The following KCNQ3 variants were observed in gnomAD, a reference collection of about 807,000 sequenced individuals.
KCNQ3 encodes the protein potassium voltage-gated channel subfamily Q member 3.
A neutral mutation model predicts 92.5 loss-of-function variants in KCNQ3; 30 were observed. The observed-to-expected ratio is 0.32, with a 90% CI of 0.24 to 0.44. KCNQ3 has a LOEUF of 0.44. KCNQ3 is among the 20% of genes least tolerant of loss of function. KCNQ3 has a pLI of 1.00. For missense variants in KCNQ3, 913 were observed against 1,140.3 expected (o/e 0.80, Z 2.87); for synonymous variants, 450 against 468.8 (o/e 0.96, Z 0.52).
intron 1 of KCNQ3, among the ~76,000 whole-genome samples, chr8:132,393,275 C>T (rs1377043628): frequency 6.6e-6 from 1 of 152,208 alleles, no homozygotes; most frequent in Non-Finnish European, 1.5e-5. Context: ...GAAAACAGAG[C>T]ACAGCTTTGT....
intron 1 of KCNQ3, among the ~76,000 whole-genome samples, chr8:132,373,773 G>A (rs536643612): frequency 1.8e-4 from 28 of 152,220 alleles, no homozygotes; most frequent in African/African-American, 5.1e-4. Context: ...TCTGCCGAAC[G>A]ACTACAAGGA....
rs901158805 is a variant in KCNQ3 at position 132,172,142 on chromosome 8, G to A, written c.1140+456C>T. ...ATGGAGGCTGCAGTGAGCTATGATCGCACCCTACACTCCAGCCTGGACAAG... is the reference window on the plus strand; with the variant it reads ...ATGGAGGCTGCAGTGAGCTATGATCACACCCTACACTCCAGCCTGGACAAG... On this transcript the variant is annotated intron_variant, in intron 7 of 14. Coordinates refer to ENST00000388996, the MANE Select transcript of KCNQ3 (RefSeq NM_004519.4). Among the ~76,000 whole-genome samples, 133 of 151,794 alleles carry A rather than the reference G, an allele frequency of 8.8e-4. 1 individual carries two copies. The highest frequency in any genetic ancestry group is 3.4e-3 in the Middle Eastern group (1 of 294).
intron 1 of KCNQ3, among the ~76,000 whole-genome samples, chr8:132,420,208 C>A (rs958866052): frequency 6.6e-6 from 1 of 152,078 alleles, no homozygotes; most frequent in Non-Finnish European, 1.5e-5. Context: ...GAAGATTCTC[C>A]CCCATGACCT....
chr8:132,405,197 G>C (rs1820443903), intron 1 of KCNQ3, among the ~76,000 whole-genome samples: 1 of 152,240 alleles, frequency 6.6e-6, no homozygotes, highest in Admixed American at 6.5e-5. Context: ...AGAGAGGAGA[G>C]ATTGGCTCCT....
intron 1 of KCNQ3, among the ~76,000 whole-genome samples, chr8:132,316,096 AT>A (rs532439547): frequency 1.3e-5 from 2 of 151,190 alleles, no homozygotes; most frequent in Non-Finnish European, 3.0e-5. Flanking sequence ...TTCCTTGCTT[AT>A]TTTTTTTTCC....
At chr8:132,261,722 T>G (rs7835382) in intron 1 of KCNQ3, among the ~76,000 whole-genome samples, 1 of 152,008 alleles carries the variant, frequency 6.6e-6, no homozygotes, top group Non-Finnish European at 1.5e-5. Context: ...CTCCATGTTT[T>G]CAGCCTTCAC....
At chr8:132,267,916 T>G (rs1219604021) in intron 1 of KCNQ3, among the ~76,000 whole-genome samples, 1 of 152,238 alleles carries the variant, frequency 6.6e-6, no homozygotes, top group Non-Finnish European at 1.5e-5. Context: ...TTACAACTGA[T>G]GAACCTACAG....
intron 1 of KCNQ3, among the ~76,000 whole-genome samples, chr8:132,187,972 T>C (rs142565314): frequency 7.2e-6 from 1 of 138,474 alleles, no homozygotes; most frequent in African/African-American, 2.8e-5. Context: ...GGTAACAACA[T>C]CAGTAACTGT....
intron 1 of KCNQ3, among the ~76,000 whole-genome samples, chr8:132,317,875 T>C (rs1322137073): frequency 2.0e-5 from 3 of 152,192 alleles, no homozygotes; most frequent in African/African-American, 7.2e-5. Flanking sequence ...GGGGGAACTT[T>C]ATATTAAATG....
intron 1 of KCNQ3, among the ~76,000 whole-genome samples, chr8:132,317,904 C>A (rs1198545509): frequency 6.6e-6 from 1 of 152,184 alleles, no homozygotes; most frequent in Non-Finnish European, 1.5e-5. Flanking sequence ...CCTGAGGTTG[C>A]ACAGCTATTC....
At chr8:132,455,609 C>T (rs1388655018) in intron 1 of KCNQ3, among the ~76,000 whole-genome samples, 2 of 152,250 alleles carry the variant, frequency 1.3e-5, no homozygotes, top group Non-Finnish European at 1.5e-5. Context: ...GGCCTGGATT[C>T]ATCACCACTG....
At position 132,476,165 on chromosome 8, in the gene KCNQ3, G is replaced by T. The variant is rs552620425; in HGVS notation, c.386+3982C>A. Among the ~76,000 whole-genome samples the T allele has an allele frequency of 1.2e-3, 180 of 152,378 alleles. 1 individual carries two copies. The South Asian group carries it at 0.018, about 16-fold the overall frequency. On this transcript the variant is annotated intron_variant, in intron 1 of 14. Coordinates refer to ENST00000388996, the MANE Select transcript of KCNQ3 (RefSeq NM_004519.4). The stretch of plus-strand genomic sequence containing the variant: ...AACCTCCACCTAGATTTCAGAGGAG[G>T]TATGGAAACACCTGGATGTCCAGGC...
At chr8:132,278,478 T>C (rs1816411753) in intron 1 of KCNQ3, among the ~76,000 whole-genome samples, 2 of 152,178 alleles carry the variant, frequency 1.3e-5, no homozygotes, top group South Asian at 4.1e-4. Flanking sequence ...AACTCTCAAC[T>C]TTCCCACGAC....
intron 1 of KCNQ3, among the ~76,000 whole-genome samples, chr8:132,348,590 G>C (rs1270302835): frequency 6.6e-6 from 1 of 152,204 alleles, no homozygotes; most frequent in Non-Finnish European, 1.5e-5. Context: ...ATTTAAATTA[G>C]TTTCAATGCA....
chr8:132,434,762 A>T (rs1461076982), intron 1 of KCNQ3, among the ~76,000 whole-genome samples: 1 of 152,238 alleles, frequency 6.6e-6, no homozygotes. Flanking sequence ...TCATGTAGTC[A>T]GTATCAAATG....
rs1826422164 is a variant in KCNQ3, at chr8:132,172,798, G to A, written c.1045-105C>T. 3.7e-6 allele frequency: 3 copies of A among 801,432 alleles called. No individual in the cohort carries two copies. The East Asian group carries it at 7.4e-5, about 20-fold the overall frequency. The allele number at this position is 801,432 out of a possible 1,614,324, so 49.6% of individuals were successfully genotyped here. A position where few individuals can be genotyped will look rare whatever the true frequency, so the allele number is the denominator to read the frequency against. On this transcript the variant is annotated intron_variant, in intron 6 of 14. Transcript: ENST00000388996. ...ACTGTAGGGCTCAATTGCACTTCAA[G>A]TCCTTGCAGTGACAACACTGTACAA... is the stretch of plus-strand genomic sequence containing the variant.
At chr8:132,133,552 C>CA (rs1014490247) in intron 13 of KCNQ3, among the ~76,000 whole-genome samples, 8 of 152,026 alleles carry the variant, frequency 5.3e-5, no homozygotes, top group African/African-American at 1.9e-4. Flanking sequence ...GATGGGGTTT[C>CA]ACTATGTTGG....
At chr8:132,370,388 AG>A (rs1819442139) in intron 1 of KCNQ3, among the ~76,000 whole-genome samples, 2 of 152,216 alleles carry the variant, frequency 1.3e-5, no homozygotes, top group Admixed American at 6.5e-5. Flanking sequence ...GGTATGATTA[AG>A]GGTATCCTGT....
intron 1 of KCNQ3, among the ~76,000 whole-genome samples, chr8:132,200,503 C>T (rs867041480): frequency 1.3e-4 from 19 of 150,426 alleles, no homozygotes; most frequent in African/African-American, 4.6e-4. Flanking sequence ...GGACATGTTA[C>T]GTGTCTAATA....
Sources: gnomAD v4.1 joint callset for allele counts (sites outside exome capture counted in the v4.1 genomes callset) on GRCh38, gnomAD v4.1.1 for gene constraint, MANE v1.5 for transcripts, NCBI Gene and HGNC (gene_info 2026-07-23, HGNC 2026-07-21) for gene names.